Variants in KCNN3 observed in about 807,000 individuals in gnomAD.
KCNN3 encodes small conductance calcium-activated potassium channel protein 3.
KCNN3 carries 16 observed loss-of-function variants against 62.9 expected under a neutral mutation model. That is an observed-to-expected ratio of 0.25 (90% CI 0.17 to 0.39). The LOEUF is 0.39. Ranked by LOEUF, KCNN3 falls within the 10% of genes least tolerant of loss-of-function variation. The pLI is 1.00. For synonymous variants in KCNN3, 370 were observed against 389.2 expected (o/e 0.95, Z 0.58); for missense variants, 599 against 949.4 (o/e 0.63, Z 4.85).
intron 3 of KCNN3, among the ~76,000 whole-genome samples, chr1:154,753,957 G>C (rs914586208): frequency 1.3e-5 from 2 of 152,226 alleles, no homozygotes; most frequent in Non-Finnish European, 2.9e-5. Context: ...CCGTTGTCAA[G>C]CCAGGCTATG....
intron 2 of KCNN3, among the ~76,000 whole-genome samples, chr1:154,786,786 G>A (rs922969945): frequency 1.3e-5 from 2 of 152,150 alleles, no homozygotes; most frequent in African/African-American, 4.8e-5. Flanking sequence ...ACACACCTCT[G>A]TGTTAAAAGA....
intron 5 of KCNN3, among the ~76,000 whole-genome samples, chr1:154,723,480 C>T (rs1335962798): frequency 6.6e-6 from 1 of 152,162 alleles, no homozygotes; most frequent in African/African-American, 2.4e-5. Flanking sequence ...GTTAGGGAAT[C>T]ATTTTTGAAA....
At chr1:154,796,468 G>A (rs1054003787) in intron 2 of KCNN3, among the ~76,000 whole-genome samples, 4 of 135,752 alleles carry the variant, frequency 2.9e-5, no homozygotes, top group Non-Finnish European at 6.9e-5. Flanking sequence ...ACATACACAC[G>A]CACGTACAGA....
In KCNN3 at chr1:154,869,845, CTGCTGCTGT is replaced by C; in HGVS notation, c.111_119del (p.Gln39_Gln41del). 6.3e-7 allele frequency: 1 copy of C among 1,577,534 alleles called. No individual in the cohort carries two copies. Among genetic ancestry groups the C allele is most frequent in the Non-Finnish European group, 8.6e-7 (1 of 1,160,520 alleles). ...CTGGTGGCGCTGGCGGTGGTGGCTGCTGCTGCTGTTGCTGCTGCTGCTGCTGCTGCTGCT... is the reference window on the plus strand; with the variant it reads ...CTGGTGGCGCTGGCGGTGGTGGCTGCTGCTGCTGCTGCTGCTGCTGCTGCT... On this transcript the variant is annotated inframe_deletion, in exon 1 of 8. Coordinates refer to ENST00000271915, the MANE Select transcript of KCNN3 (RefSeq NM_002249.6). The surrounding 1 kb of genome is among the most constrained non-coding windows in gnomAD (Gnocchi z 6.1).
At chr1:154,761,957 TAACAAACA>T (rs142027976) in intron 3 of KCNN3, among the ~76,000 whole-genome samples, 27,390 of 151,794 alleles carry the variant, frequency 0.18, 2,826 homozygotes, top group South Asian at 0.27. Flanking sequence ...AACAACGAAG[TAACAAACA>T]AACAAACAAA....
At chr1:154,832,492 A>T (rs563558015) in intron 1 of KCNN3, among the ~76,000 whole-genome samples, 1 of 152,068 alleles carries the variant, frequency 6.6e-6, no homozygotes, top group Non-Finnish European at 1.5e-5. Context: ...AGCGCCTCCC[A>T]GAACGCTGGT....
chr1:154,758,733 G>T (rs1386825246), intron 3 of KCNN3, among the ~76,000 whole-genome samples: 1 of 152,176 alleles, frequency 6.6e-6, no homozygotes, highest in South Asian at 2.1e-4. Context: ...AGCCTCTGGG[G>T]GACTGGGGCC....
rs527517202 is a variant in KCNN3, at chr1:154,845,270, G to A, written c.934-23086C>T. Among the ~76,000 whole-genome samples, 4 of 152,314 alleles carry A rather than the reference G, an allele frequency of 2.6e-5. No homozygotes were observed. The South Asian group carries it at 8.3e-4, about 32-fold the overall frequency. On this transcript the variant is annotated intron_variant, in intron 1 of 7. Coordinates refer to ENST00000271915, the MANE Select transcript of KCNN3 (RefSeq NM_002249.6). Reference sequence around the variant, plus strand: ...GACACCCAGATAAAACCTATTTGCTGTTCCTGCACTGTATCCTGCCAACTC... The same window carrying A: ...GACACCCAGATAAAACCTATTTGCTATTCCTGCACTGTATCCTGCCAACTC...
At chr1:154,746,903 C>T (rs1436997924) in intron 3 of KCNN3, among the ~76,000 whole-genome samples, 8 of 152,214 alleles carry the variant, frequency 5.3e-5, no homozygotes, top group South Asian at 4.1e-4. Flanking sequence ...GGGAGGGTAA[C>T]ATCTGGAGTA....
intron 2 of KCNN3, among the ~76,000 whole-genome samples, chr1:154,820,560 G>A (rs1468479588): frequency 1.3e-5 from 2 of 152,186 alleles, no homozygotes; most frequent in Non-Finnish European, 2.9e-5. Context: ...TGGGTGGGGT[G>A]GAACCAGGCC....
At chr1:154,859,750 C>T in intron 1 of KCNN3, 1 of 1,614,198 alleles carries the variant, frequency 6.2e-7, no homozygotes, top group Non-Finnish European at 8.5e-7. Flanking sequence ...ACTGTCCTTG[C>T]AGATGTCGCG....
chr1:154,775,484 G>T (rs938483951), intron 2 of KCNN3, among the ~76,000 whole-genome samples: 2 of 152,076 alleles, frequency 1.3e-5, no homozygotes, highest in African/African-American at 4.8e-5. Flanking sequence ...GGATTGAAAG[G>T]GTTTAATAAA....
intron 2 of KCNN3, among the ~76,000 whole-genome samples, chr1:154,814,255 C>T (rs1467914410): frequency 2.6e-5 from 4 of 152,182 alleles, no homozygotes; most frequent in Admixed American, 2.0e-4. Context: ...CCATGCCTAC[C>T]CCAGTTTTGT....
intron 1 of KCNN3, among the ~76,000 whole-genome samples, chr1:154,840,477 G>A (rs145912374): frequency 4.5e-4 from 69 of 152,288 alleles, no homozygotes; most frequent in African/African-American, 1.5e-3. Flanking sequence ...GAAGGCTTCC[G>A]TGTCCCAAAA....
intron 3 of KCNN3, among the ~76,000 whole-genome samples, chr1:154,744,918 A>C (rs1244364028): frequency 8.7e-6 from 1 of 115,446 alleles, no homozygotes; most frequent in Admixed American, 9.4e-5. Context: ...GTGAATTCAC[A>C]TTAAGGCAAA....
chr1:154,717,681 G>A (rs1300203795), intron 5 of KCNN3, among the ~76,000 whole-genome samples: 1 of 152,092 alleles, frequency 6.6e-6, no homozygotes, highest in Non-Finnish European at 1.5e-5. Flanking sequence ...AGCTGAGAGA[G>A]GCAGTCACAT....
At chr1:154,722,409 A>G (rs1028342625) in intron 5 of KCNN3, among the ~76,000 whole-genome samples, 13 of 120,988 alleles carry the variant, frequency 1.1e-4, no homozygotes, top group African/African-American at 4.2e-4. Context: ...TTTTTTTGAG[A>G]TGGAGTCTCG....
At chr1:154,828,460 G>A (rs1035288075) in intron 1 of KCNN3, among the ~76,000 whole-genome samples, 1 of 151,934 alleles carries the variant, frequency 6.6e-6, no homozygotes, top group African/African-American at 2.4e-5. Flanking sequence ...AACACAACAA[G>A]GCAAGCTTCC....
intron 2 of KCNN3, among the ~76,000 whole-genome samples, chr1:154,783,897 T>C (rs75564543): frequency 0.028 from 4,302 of 152,258 alleles, 226 homozygotes; most frequent in African/African-American, 0.098. Context: ...TCCATGGAAA[T>C]GTCAGCTAAC....
Sources: gnomAD v4.1 joint callset for allele counts (sites outside exome capture counted in the v4.1 genomes callset) on GRCh38, gnomAD v4.1.1 for gene constraint, Gnocchi (gnomAD v3.1) non-coding constraint, MANE v1.5 for transcripts, NCBI Gene and HGNC (gene_info 2026-07-23, HGNC 2026-07-21) for gene names.